CFL2: variants seen among roughly 807,000 people sequenced by gnomAD.
The protein encoded by CFL2 is cofilin-2.
CFL2 carries 10 observed loss-of-function variants against 19.6 expected under a neutral mutation model. That is an observed-to-expected ratio of 0.51 (90% CI 0.31 to 0.86). The LOEUF (loss-of-function observed/expected upper bound fraction) is 0.86. Ranked by LOEUF, CFL2 falls within the 40% of genes least tolerant of loss-of-function variation. The pLI is 0.04. For synonymous variants in CFL2, 63 were observed against 66.7 expected, an observed-to-expected ratio of 0.95 and a Z score of 0.27; for missense variants, 125 against 192.1, an observed-to-expected ratio of 0.65 and a Z score of 2.06.
intron 3 of CFL2, 40 bp from the exon 4 acceptor site, chr14:34,713,017 T>G (rs529065569): frequency 1.3e-6 from 2 of 1,542,588 alleles, no homozygotes; most frequent in South Asian, 2.4e-5. Flanking sequence ...TTATTATAAT[T>G]AATAAAGAAT....
chr14:34,712,183 C>A lies in CFL2; in HGVS notation c.*682G>T, dbSNP rs1047772179. 2.2e-6 allele frequency: 1 copy of A among 454,304 alleles called. No homozygotes were observed. Among genetic ancestry groups the A allele is most frequent in the African/African-American group, 2.0e-5 (1 of 49,956 alleles). 28.1% of individuals were successfully genotyped at this position (454,304 alleles called of 1,614,324 possible). On this transcript the variant is annotated 3_prime_UTR_variant, in exon 4 of 4. Coordinates refer to ENST00000298159, the MANE Select transcript of CFL2 (RefSeq NM_138638.5). ...ACATGGTAAACATAAAACTCCTACA[C>A]TTATTCAGTAGTGTACACTCAATGG...
chr14:34,711,140 A>C lies in CFL2; in HGVS notation c.*1725T>G, dbSNP rs1885272446. 1 of 452,572 alleles carries C rather than the reference A, an allele frequency of 2.2e-6. No homozygotes were observed. Among genetic ancestry groups the C allele is most frequent in the African/African-American group, 2.0e-5 (1 of 49,828 alleles). The allele number at this position is 452,572 out of a possible 1,614,324, so 28.0% of individuals were successfully genotyped here. On this transcript the variant is annotated 3_prime_UTR_variant, in exon 4 of 4. Coordinates refer to ENST00000298159, the MANE Select transcript of CFL2 (RefSeq NM_138638.5). Reference sequence around the variant, plus strand: ...GAAAAATCTTTCAAAAATATGGAAAAAATCTAATTATACTAAAATTACTTC... The same window carrying C: ...GAAAAATCTTTCAAAAATATGGAAACAATCTAATTATACTAAAATTACTTC...
chr14:34,713,194 G>T, intron 2 of CFL2, 58 bp from the exon 3 acceptor site: 1 of 1,545,164 alleles, frequency 6.5e-7, no homozygotes, highest in South Asian at 1.2e-5. Context: ...AGGTAAGACT[G>T]ACTATGATAA....
In CFL2 at chr14:34,711,726, G is replaced by A. The variant is rs1212732642; in HGVS notation, c.*1139C>T. 2.3e-6 allele frequency: 1 copy of A among 442,334 alleles called. No individual in the cohort carries two copies. Among genetic ancestry groups the A allele is most frequent in the East Asian group, 7.0e-5 (1 of 14,370 alleles). 27.4% of individuals were successfully genotyped at this position (442,334 alleles called of 1,614,324 possible). ...GATATTGAAAAGTATTTATGCCAAA[G>A]TGCAAAAAATAATTTCTGATCTTCA... On this transcript the variant is annotated 3_prime_UTR_variant, in exon 4 of 4. Coordinates refer to ENST00000298159, the MANE Select transcript of CFL2 (RefSeq NM_138638.5).
At chr14:34,714,279 C>T in intron 1 of CFL2, 2 of 476,146 alleles carry the variant, frequency 4.2e-6, no homozygotes, top group East Asian at 7.5e-5. Context: ...CAGACCCTCT[C>T]GCGCCCCCGC....
At position 34,711,765 on chromosome 14, in the gene CFL2, GAAAT is replaced by G. The variant is rs766725220; in HGVS notation, c.*1096_*1099del. 3 of 443,444 alleles carry G rather than the reference GAAAT, an allele frequency of 6.8e-6. No homozygotes were observed. Among genetic ancestry groups the G allele is most frequent in the South Asian group, 4.9e-5 (3 of 61,266 alleles). 27.5% of individuals were successfully genotyped at this position (443,444 alleles called of 1,614,324 possible). A position where few individuals can be genotyped will look rare whatever the true frequency, so the allele number is the denominator to read the frequency against. ...TTCTGATCTTCATATTAACACATAG[GAAAT>G]AAATACACTAATGTTTATAAAAGTA... On this transcript the variant is annotated 3_prime_UTR_variant, in exon 4 of 4. Coordinates refer to ENST00000298159, the MANE Select transcript of CFL2 (RefSeq NM_138638.5).
Position 34,712,898 on chromosome 14 carries a change from A to G in CFL2, c.468T>C (p.Asn156=). Residue 156 remains asparagine, a synonymous_variant, in exon 4 of 4, where the codon AAT becomes AAC. Coordinates refer to ENST00000298159, the MANE Select transcript of CFL2 (RefSeq NM_138638.5). ...GTTTTCCTTCAAGTGAAACTACTAC[A>G]TTGCCTCCCAATTTCTCTCCAAGTG... is the stretch of plus-strand genomic sequence containing the variant. ...RSTLGEKLGG[N]VVVSLEGKPL 6.2e-7 allele frequency: 1 copy of G among 1,603,874 alleles called. No homozygotes were observed. The highest frequency in any genetic ancestry group is 1.3e-5 in the African/African-American group (1 of 74,814).
At position 34,710,967 on chromosome 14, in the gene CFL2, AC is replaced by A. The variant is rs1394915397; in HGVS notation, c.*1897del. On this transcript the variant is annotated 3_prime_UTR_variant, in exon 4 of 4. Transcript: ENST00000298159. ...GTTTTGCTTATCAGAGTTTGGCCTT[AC>A]CAAAAACCATCGAAATGTCCAGGAT... 2.2e-6 allele frequency: 1 copy of A among 454,002 alleles called. No homozygotes were observed. Among genetic ancestry groups the A allele is most frequent in the African/African-American group, 2.0e-5 (1 of 50,002 alleles). 28.1% of individuals were successfully genotyped at this position (454,002 alleles called of 1,614,324 possible).
chr14:34,713,957 A>G (rs1045164055), intron 1 of CFL2: 1 of 766,592 alleles, frequency 1.3e-6, no homozygotes, highest in East Asian at 3.0e-5. Flanking sequence ...TTTTTTCTTT[A>G]AAGTCATCCT....
chr14:34,714,554 G>T lies in CFL2; in HGVS notation c.-14C>A. 6.3e-7 allele frequency: 1 copy of T among 1,586,072 alleles called. No homozygotes were observed. Among genetic ancestry groups the T allele is most frequent in the Non-Finnish European group, 8.5e-7 (1 of 1,169,696 alleles). On this transcript the variant is annotated 5_prime_UTR_variant, in exon 1 of 4. Coordinates refer to ENST00000298159, the MANE Select transcript of CFL2 (RefSeq NM_138638.5). ...TCGTCTTACCATAGTGCCCTCGGCT[G>T]TGGCTGCGGCGGCAGCTCGGGCTTC...
rs1885381792 is a variant in CFL2, at chr14:34,713,334, C to CAG, written c.229_230dup (p.Asn78Ter). ...CGTACAAAGCATATCGGCAATCATT[C>CAG]AGAGGTAGCAACTTCACAAAAGATG... On this transcript the variant is annotated frameshift_variant, in exon 2 of 4. Coordinates refer to ENST00000298159, the MANE Select transcript of CFL2 (RefSeq NM_138638.5). LOFTEE classifies it high-confidence loss of function. 1 of 1,613,900 alleles carries CAG rather than the reference C, an allele frequency of 6.2e-7. No individual in the cohort carries two copies. The highest frequency in any genetic ancestry group is 1.3e-5 in the African/African-American group (1 of 74,916).
In CFL2 at chr14:34,711,048, C is replaced by A. The variant is rs1288565262; in HGVS notation, c.*1817G>T. On this transcript the variant is annotated 3_prime_UTR_variant, in exon 4 of 4. Transcript: ENST00000298159. ...TAAAATTGCTCAGTGCAAAAAGATC[C>A]CAAACCATTCATATAATTTTAAATG... 1 of 454,030 alleles carries A rather than the reference C, an allele frequency of 2.2e-6. No homozygotes were observed. Among genetic ancestry groups the A allele is most frequent in the East Asian group, 6.9e-5 (1 of 14,404 alleles). 28.1% of individuals were successfully genotyped at this position (454,030 alleles called of 1,614,324 possible).
At position 34,714,565 on chromosome 14, in the gene CFL2, G is replaced by C. The variant is rs745969445; in HGVS notation, c.-25C>G. Reference sequence around the variant, plus strand: ...TAGTGCCCTCGGCTGTGGCTGCGGCGGCAGCTCGGGCTTCGGCTCTGTGGC... The same window carrying C: ...TAGTGCCCTCGGCTGTGGCTGCGGCCGCAGCTCGGGCTTCGGCTCTGTGGC... On this transcript the variant is annotated 5_prime_UTR_variant, in exon 1 of 4. Coordinates refer to ENST00000298159, the MANE Select transcript of CFL2 (RefSeq NM_138638.5). 34 of 1,569,916 alleles carry C rather than the reference G, an allele frequency of 2.2e-5. No homozygotes were observed. The East Asian group carries it at 7.8e-4, about 36-fold the overall frequency.
At chr14:34,713,738 C>G in intron 1 of CFL2, 177 bp from the exon 2 acceptor site, 1 of 1,612,152 alleles carries the variant, frequency 6.2e-7, no homozygotes, top group Admixed American at 1.7e-5. Flanking sequence ...GCGAAGGAGT[C>G]TAACTCATCC....
rs780345278 is a variant in CFL2, at chr14:34,713,047, T to C, written c.388+13A>G. 1.9e-6 allele frequency: 3 copies of C among 1,571,738 alleles called. No individual in the cohort carries two copies. Among genetic ancestry groups the C allele is most frequent in the Non-Finnish European group, 2.6e-6 (3 of 1,156,318 alleles). ...AAGAATAATTTCTCTGCCCCAAATA[T>C]TCAAGTTTGTACCTGTAAATTTCTT... is the stretch of plus-strand genomic sequence containing the variant. On this transcript the variant is annotated intron_variant, in intron 3 of 3. Coordinates refer to ENST00000298159, the MANE Select transcript of CFL2 (RefSeq NM_138638.5).
chr14:34,714,573 G>A lies in CFL2; in HGVS notation c.-33C>T, dbSNP rs567576604. On this transcript the variant is annotated 5_prime_UTR_variant, in exon 1 of 4. Coordinates refer to ENST00000298159, the MANE Select transcript of CFL2 (RefSeq NM_138638.5). ...TCGGCTGTGGCTGCGGCGGCAGCTC[G>A]GGCTTCGGCTCTGTGGCACTGGGAG... 1.9e-6 allele frequency: 3 copies of A among 1,557,174 alleles called. No homozygotes were observed. The African/African-American group carries it at 4.2e-5, about 22-fold the overall frequency.
Position 34,712,305 on chromosome 14 carries a change from T to C in CFL2, c.*560A>G, listed in dbSNP as rs771709054. 4.4e-6 allele frequency: 2 copies of C among 454,526 alleles called. No homozygotes were observed. The highest frequency in any genetic ancestry group is 8.8e-6 in the Non-Finnish European group (2 of 226,782). The allele number at this position is 454,526 out of a possible 1,614,324, so 28.2% of individuals were successfully genotyped here. On this transcript the variant is annotated 3_prime_UTR_variant, in exon 4 of 4. Coordinates refer to ENST00000298159, the MANE Select transcript of CFL2 (RefSeq NM_138638.5). The stretch of plus-strand genomic sequence containing the variant: ...TACTAGGATAAGTTGATGACACAGT[T>C]AACAAAACTTAATTGGCATTCCTTT...
rs973637608 is a variant in CFL2 at position 34,711,156 on chromosome 14, A to G, written c.*1709T>C. The G allele has an allele frequency of 8.8e-6, 4 of 453,310 alleles. No individual in the cohort carries two copies. The highest frequency in any genetic ancestry group is 1.8e-5 in the Non-Finnish European group (4 of 226,706). The allele number at this position is 453,310 out of a possible 1,614,324, so 28.1% of individuals were successfully genotyped here. On this transcript the variant is annotated 3_prime_UTR_variant, in exon 4 of 4. Coordinates refer to ENST00000298159, the MANE Select transcript of CFL2 (RefSeq NM_138638.5). Reference sequence around the variant, plus strand: ...ATATGGAAAAAATCTAATTATACTAAAATTACTTCCACACATTCAAAAAAA... The same window carrying G: ...ATATGGAAAAAATCTAATTATACTAGAATTACTTCCACACATTCAAAAAAA...
Position 34,712,233 on chromosome 14 carries a change from C to A in CFL2, c.*632G>T, listed in dbSNP as rs752144124. On this transcript the variant is annotated 3_prime_UTR_variant, in exon 4 of 4. Coordinates refer to ENST00000298159, the MANE Select transcript of CFL2 (RefSeq NM_138638.5). ...GAAAACAAAAAGGCATTAATAACAG[C>A]TATTTCTTTTAAGAAGATATGCAGG... 17 of 454,400 alleles carry A rather than the reference C, an allele frequency of 3.7e-5. No individual in the cohort carries two copies. Among genetic ancestry groups the A allele is most frequent in the African/African-American group, 2.4e-4 (12 of 50,000 alleles). The allele number at this position is 454,400 out of a possible 1,614,324, so 28.1% of individuals were successfully genotyped here. A position where few individuals can be genotyped will look rare whatever the true frequency, so the allele number is the denominator to read the frequency against.
Sources: gnomAD v4.1 joint callset for allele counts on GRCh38, gnomAD v4.1.1 for gene constraint, MANE v1.5 for transcripts, NCBI Gene and HGNC (gene_info 2026-07-23, HGNC 2026-07-21) for gene names.